CHURC1: variants seen among roughly 807,000 people sequenced by gnomAD.
The protein encoded by CHURC1 is churchill domain containing 1, also known as protein Churchill.
Under a neutral mutation model 15.4 loss-of-function variants are expected in CHURC1, and 12 were observed. The ratio of observed to expected loss-of-function variants is 0.78; its 90% CI spans 0.50 to 1.27. CHURC1 has a LOEUF of 1.27. Among genes scored for constraint, CHURC1 ranks in the 50% most tolerant of loss-of-function variants. The pLI, the probability that CHURC1 is intolerant of heterozygous loss-of-function variation, is 0.00. For synonymous variants in CHURC1, 42 were observed against 47.5 expected (o/e 0.88, Z 0.48); for missense variants, 132 against 137.8 (o/e 0.96, Z 0.21).
At chr14:64,916,155 C>T (rs1224746743) in intron 1 of CHURC1, among the ~76,000 whole-genome samples, 1 of 152,080 alleles carries the variant, frequency 6.6e-6, no homozygotes, top group South Asian at 2.1e-4. Context: ...AAAAGTCTTA[C>T]AAATAGTGTT....
Position 64,934,944 on chromosome 14 carries a change from A to T in CHURC1, c.*2714A>T. 4.1e-6 allele frequency: 4 copies of T among 984,276 alleles called. No individual in the cohort carries two copies. The highest frequency in any genetic ancestry group is 4.8e-6 in the Non-Finnish European group (4 of 828,926). 61.0% of individuals were successfully genotyped at this position (984,276 alleles called of 1,614,324 possible). On this transcript the variant is annotated 3_prime_UTR_variant, in exon 4 of 4. Transcript: ENST00000549115. The stretch of plus-strand genomic sequence containing the variant: ...ATTGTGCTGTGTTTTGTGATATTTT[A>T]TCATTTTCTAGATTCTTATGTGGAT...
chr14:64,932,023 C>CA (rs879786696), intron 3 of CHURC1, 115 bp from the exon 4 acceptor site: 1 of 1,310,874 alleles, frequency 7.6e-7, no homozygotes, highest in Non-Finnish European at 1.0e-6. Flanking sequence ...GAAATTGATC[C>CA]AATGTACAGA....
At position 64,935,078 on chromosome 14, in the gene CHURC1, G is replaced by T. The variant is rs753162409; in HGVS notation, c.*2848G>T. On this transcript the variant is annotated 3_prime_UTR_variant, in exon 4 of 4. Coordinates refer to ENST00000549115, the MANE Select transcript of CHURC1 (RefSeq NM_001386928.1). The stretch of plus-strand genomic sequence containing the variant: ...AAATCTTCATTCTCAGTAAACTATC[G>T]CAAGGACAAAAAACCAAACACCACA... 6 of 839,212 alleles carry T rather than the reference G, an allele frequency of 7.1e-6. No individual in the cohort carries two copies. The highest frequency in any genetic ancestry group is 8.6e-6 in the Non-Finnish European group (6 of 697,410). 52.0% of individuals were successfully genotyped at this position (839,212 alleles called of 1,614,324 possible). A position where few individuals can be genotyped will look rare whatever the true frequency, so the allele number is the denominator to read the frequency against.
chr14:64,921,271 G>T (rs10138534), intron 1 of CHURC1, among the ~76,000 whole-genome samples: 40,172 of 151,998 alleles, frequency 0.26, 6,072 homozygotes, highest in African/African-American at 0.4. Context: ...AAGAAACTTT[G>T]TGCAACCCTG....
In CHURC1 at chr14:64,914,492, C is replaced by G. The variant is rs373635011; in HGVS notation, c.-4C>G. ...GGAGGACATTCCCTGTTGACTGCGT[C>G]GCGATGTGTGGCGACTGTGTGGAGA... On this transcript the variant is annotated 5_prime_UTR_variant, in exon 1 of 4. Coordinates refer to ENST00000549115, the MANE Select transcript of CHURC1 (RefSeq NM_001386928.1). 1.2e-6 allele frequency: 2 copies of G among 1,614,142 alleles called. No homozygotes were observed. The highest frequency in any genetic ancestry group is 1.3e-5 in the African/African-American group (1 of 74,948).
At chr14:64,922,314 C>T (rs1020138086) in intron 1 of CHURC1, among the ~76,000 whole-genome samples, 2 of 151,972 alleles carry the variant, frequency 1.3e-5, no homozygotes, top group South Asian at 2.1e-4. Flanking sequence ...CACAGTGGCT[C>T]ATTCCTGTAA....
At chr14:64,925,985 C>A in intron 2 of CHURC1, 25 bp from the exon 3 acceptor site, 2 of 1,537,714 alleles carry the variant, frequency 1.3e-6, no homozygotes, top group Non-Finnish European at 1.8e-6. Flanking sequence ...GACTTAATTA[C>A]GTAAGTCTCT....
intron 1 of CHURC1, among the ~76,000 whole-genome samples, chr14:64,922,789 G>A (rs1485634626): frequency 6.6e-6 from 1 of 151,914 alleles, no homozygotes; most frequent in Admixed American, 6.6e-5. Flanking sequence ...ATATAGAAGG[G>A]AGAGATTAAT....
At position 64,933,356 on chromosome 14, in the gene CHURC1, AAT is replaced by A. The variant is rs1203192731; in HGVS notation, c.*1130_*1131del. ...TCTGAATACAGTGTGGACTTCAGTT[AAT>A]ATAAATGAGAAAATGGTTTCATTGG... On this transcript the variant is annotated 3_prime_UTR_variant, in exon 4 of 4. Transcript: ENST00000549115. 1.3e-5 allele frequency: 13 copies of A among 984,610 alleles called. No homozygotes were observed. The highest frequency in any genetic ancestry group is 3.5e-5 in the African/African-American group (2 of 57,218). The allele number at this position is 984,610 out of a possible 1,614,324, so 61.0% of individuals were successfully genotyped here.
Position 64,934,847 on chromosome 14 carries a change from G to GT in CHURC1, c.*2621dup. Reference sequence around the variant, plus strand: ...TTGCAGAATGTATAATTATCTATTTGTTTTGGACTATATGTTACAAAAATT... The same window carrying GT: ...TTGCAGAATGTATAATTATCTATTTGTTTTTGGACTATATGTTACAAAAATT... On this transcript the variant is annotated 3_prime_UTR_variant, in exon 4 of 4. Coordinates refer to ENST00000549115, the MANE Select transcript of CHURC1 (RefSeq NM_001386928.1). The GT allele has an allele frequency of 1.0e-6, 1 of 984,784 alleles. No individual in the cohort carries two copies. The highest frequency in any genetic ancestry group is 1.2e-6 in the Non-Finnish European group (1 of 829,452). The allele number at this position is 984,784 out of a possible 1,614,324, so 61.0% of individuals were successfully genotyped here. A position where few individuals can be genotyped will look rare whatever the true frequency, so the allele number is the denominator to read the frequency against.
intron 3 of CHURC1, among the ~76,000 whole-genome samples, chr14:64,928,955 C>G (rs557465715): frequency 9.6e-4 from 146 of 152,208 alleles, no homozygotes; most frequent in African/African-American, 3.1e-3. Context: ...CTATTAGATA[C>G]CTTTCTCATT....
At chr14:64,916,349 C>T (rs535888589) in intron 1 of CHURC1, among the ~76,000 whole-genome samples, 1 of 152,284 alleles carries the variant, frequency 6.6e-6, no homozygotes, top group Non-Finnish European at 1.5e-5. Flanking sequence ...TTCCCGGGTG[C>T]AAGCAGTGTT....
At chr14:64,915,238 T>C (rs191914565) in intron 1 of CHURC1, among the ~76,000 whole-genome samples, 204 of 152,320 alleles carry the variant, frequency 1.3e-3, no homozygotes, top group Admixed American at 3.9e-3. Context: ...GATCAAGTGA[T>C]CCTCCCGCCT....
chr14:64,931,499 A>G (rs1420177957), intron 3 of CHURC1, among the ~76,000 whole-genome samples: 1 of 151,942 alleles, frequency 6.6e-6, no homozygotes, highest in Non-Finnish European at 1.5e-5. Flanking sequence ...GCACCACTGC[A>G]CTCCAATCTG....
intron 1 of CHURC1, among the ~76,000 whole-genome samples, chr14:64,921,771 A>G (rs148139726): frequency 7.2e-5 from 11 of 152,352 alleles, no homozygotes; most frequent in African/African-American, 2.6e-4. Context: ...TTACCATATT[A>G]GCAATTCCAC....
intron 3 of CHURC1, among the ~76,000 whole-genome samples, chr14:64,929,644 C>T (rs1473663130): frequency 6.6e-6 from 1 of 152,164 alleles, no homozygotes; most frequent in Admixed American, 6.5e-5. Flanking sequence ...TACTAATGTA[C>T]ACTACCCATC....
intron 1 of CHURC1, among the ~76,000 whole-genome samples, chr14:64,918,635 C>T (rs913433950): frequency 2.6e-5 from 4 of 152,130 alleles, no homozygotes; most frequent in East Asian, 3.9e-4. Context: ...TGAGACCAGC[C>T]TGGGCTACAT....
intron 1 of CHURC1, among the ~76,000 whole-genome samples, chr14:64,923,247 A>G (rs1480338582): frequency 7.2e-6 from 1 of 138,310 alleles, no homozygotes; most frequent in African/African-American, 2.9e-5. Flanking sequence ...AGCCTGGGCA[A>G]CATAGCAAGA....
At chr14:64,924,384 C>T (rs2147616) in intron 2 of CHURC1, 3 of 257,386 alleles carry the variant, frequency 1.2e-5, no homozygotes, top group Non-Finnish European at 2.2e-5. Context: ...TTATTTTTCA[C>T]GGACATATTT....
Sources: gnomAD v4.1 joint callset for allele counts (sites outside exome capture counted in the v4.1 genomes callset) on GRCh38, gnomAD v4.1.1 for gene constraint, MANE v1.5 for transcripts, NCBI Gene and HGNC (gene_info 2026-07-23, HGNC 2026-07-21) for gene names.